The following PFAS variants were observed in gnomAD, a reference collection of about 807,000 sequenced individuals.
PFAS encodes the protein FGAM synthase.
In PFAS, 97 loss-of-function variants were observed where a neutral mutation model predicts 140.6. The ratio of observed to expected loss-of-function variants is 0.69; its 90% CI spans 0.59 to 0.82. PFAS has a LOEUF of 0.82. PFAS is among the 40% of genes least tolerant of loss of function. PFAS has a pLI of 0.00. For synonymous variants in PFAS, 679 were observed against 718.8 expected, an observed-to-expected ratio of 0.94 and a Z score of 0.88; for missense variants, 1,656 against 1,780.2, an observed-to-expected ratio of 0.93 and a Z score of 1.26.
In PFAS at chr17:8,255,906, A is replaced by G. The variant is rs766829695; in HGVS notation, c.676A>G (p.Asn226Asp). 2 of 1,610,350 alleles carry G rather than the reference A, an allele frequency of 1.2e-6. No homozygotes were observed. Among genetic ancestry groups the G allele is most frequent in the South Asian group, 2.2e-5 (2 of 91,012 alleles). The change falls in exon 6 of 28, where the codon AAT (asparagine) becomes GAT (aspartate). Residue 226 changes from asparagine to aspartate, a missense_variant. By Grantham distance (23) the Asn-to-Asp change is conservative (BLOSUM62 1). Transcript: ENST00000314666. Reference protein sequence around the residue: ...TVEAFDLAQSNSEHSRHWFFK... With the variant: ...TVEAFDLAQSDSEHSRHWFFK... ...GGAGGCCTTTGACTTGGCGCAGTCC[A>G]ATAGGTGAGGAGAAATGGGGTTGTT...
intron 4 of PFAS, 146 bp from the exon 5 acceptor site, chr17:8,255,356 A>C (rs1247445656): frequency 8.7e-6 from 6 of 689,488 alleles, no homozygotes; most frequent in Non-Finnish European, 1.4e-5. Context: ...CATACCTGGA[A>C]AGGGCGTCTT....
At chr17:8,253,332 C>T (rs1989231322) in intron 1 of PFAS, among the ~76,000 whole-genome samples, 1 of 152,128 alleles carries the variant, frequency 6.6e-6, no homozygotes, top group Non-Finnish European at 1.5e-5. Flanking sequence ...TCCAGGAACA[C>T]GTGTCAGGTG....
chr17:8,263,968 CTG>C (rs773204882), intron 15 of PFAS, 32 bp downstream of exon 15: 1 of 1,607,292 alleles, frequency 6.2e-7, no homozygotes, highest in Non-Finnish European at 8.5e-7. Flanking sequence ...GGAGCAAACA[CTG>C]GGGCAGACAT....
chr17:8,253,725 G>C (rs1174083692), intron 1 of PFAS, 134 bp from the exon 2 acceptor site: 1 of 467,522 alleles, frequency 2.1e-6, no homozygotes, highest in Non-Finnish European at 3.6e-6. Context: ...TTTTAGTAGA[G>C]ACAGGGTTTC....
At chr17:8,256,175 TA>T in intron 6 of PFAS, 91 bp from the exon 7 acceptor site, 1 of 1,261,386 alleles carries the variant, frequency 7.9e-7, no homozygotes, top group Non-Finnish European at 1.1e-6. Context: ...AATTTGGCTG[TA>T]ACTCTGCTGT....
At position 8,264,220 on chromosome 17, in the gene PFAS, G is replaced by A. The variant is rs758360683; in HGVS notation, c.1800G>A (p.Leu600=). The change falls in exon 16 of 28, where the codon CTG becomes CTA. Residue 600 remains leucine (L), a synonymous_variant. Coordinates refer to ENST00000314666, the MANE Select transcript of PFAS (RefSeq NM_012393.3). ...GTITGDRRIV[L]VDDRECPVRR... Reference sequence around the variant, plus strand: ...GTCCCTGTGGTCTATAGATAGTGCTGGTGGACGATCGGGAGTGTCCTGTCA... The same window carrying A: ...GTCCCTGTGGTCTATAGATAGTGCTAGTGGACGATCGGGAGTGTCCTGTCA... 11 of 1,614,076 alleles carry A rather than the reference G, an allele frequency of 6.8e-6. No individual in the cohort carries two copies. The highest frequency in any genetic ancestry group is 9.3e-6 in the Non-Finnish European group (11 of 1,179,970).
rs138396769 is a variant in PFAS at position 8,260,362 on chromosome 17, C to G, written c.1336+2163C>G. The stretch of plus-strand genomic sequence containing the variant: ...TGTGGTCTGTTGTTAAGCAAAATGT[C>G]ATTAGTCAGCCCATGACCAAAATGG... On this transcript the variant is annotated intron_variant, in intron 11 of 27. Coordinates refer to ENST00000314666, the MANE Select transcript of PFAS (RefSeq NM_012393.3). 3.7e-3 allele frequency among the ~76,000 whole-genome samples: 560 copies of G among 152,272 alleles called. 2 individuals carry two copies. The highest frequency in any genetic ancestry group is 6.1e-3 in the Non-Finnish European group (416 of 68,028).
intron 6 of PFAS, 41 bp downstream of exon 6, chr17:8,255,951 G>A (rs1239774126): frequency 3.4e-6 from 5 of 1,467,438 alleles, no homozygotes; most frequent in Non-Finnish European, 4.8e-6. Context: ...GAGCCCATGG[G>A]TGTTGGGAGA....
rs767885671 is a variant in PFAS at position 8,255,582 on chromosome 17, C to G, written c.465C>G (p.Pro155=). ...ACCGGATGACAGAGCAGCACTTCCC[C>G]CATCCCATCCAGAGTTTCTCCCCTG... The part of the protein sequence containing the change: ...LHDRMTEQHF[P]HPIQSFSPES... Residue 155 remains proline (P), a synonymous_variant, in exon 5 of 28, where the codon CCC becomes CCG. Coordinates refer to ENST00000314666, the MANE Select transcript of PFAS (RefSeq NM_012393.3). 2.6e-6 allele frequency: 4 copies of G among 1,561,160 alleles called. No homozygotes were observed. The highest frequency in any genetic ancestry group is 3.5e-6 in the Non-Finnish European group (4 of 1,158,200).
chr17:8,247,894 G>A (rs1894236067), upstream of PFAS: 3 of 1,128,714 alleles, frequency 2.7e-6, no homozygotes, highest in Admixed American at 6.0e-5. Context: ...TCACCCATGG[G>A]CCGGACGCGG....
Position 8,267,434 on chromosome 17 carries a change from G to A in PFAS, c.3238G>A (p.Ala1080Thr). The change falls in exon 25 of 28, where the codon GCC becomes ACC. Residue 1080 changes from alanine (A) to threonine (T), a missense_variant. Transcript: ENST00000314666. The surrounding 1 kb of genome is among the most constrained non-coding windows in gnomAD (Gnocchi z 4.9). ...EEGSNGDREM[A>T]DAFHLAGFEV... The stretch of plus-strand genomic sequence containing the variant: ...GGGCAGTAATGGAGACCGGGAGATG[G>A]CCGATGCCTTCCACTTAGCTGGGTT... The A allele has an allele frequency of 6.2e-7, 1 of 1,614,144 alleles. No homozygotes were observed. Among genetic ancestry groups the A allele is most frequent in the South Asian group, 1.1e-5 (1 of 91,088 alleles).
chr17:8,260,274 G>A lies in PFAS; in HGVS notation c.1336+2075G>A, dbSNP rs138630111. 6.6e-5 allele frequency among the ~76,000 whole-genome samples: 10 copies of A among 152,232 alleles called. No individual in the cohort carries two copies. In the East Asian group the frequency reaches 1.5e-3, roughly 23 times the overall value. On this transcript the variant is annotated intron_variant, in intron 11 of 27. Coordinates refer to ENST00000314666, the MANE Select transcript of PFAS (RefSeq NM_012393.3). ...ATAGCATCACCCACCAGCGTGCCAC[G>A]ATGCCACTAGGCAATAGGAATTTTT...
Position 8,267,535 on chromosome 17 carries a change from C to A in PFAS, c.3268-16C>A. 1 of 1,588,862 alleles carries A rather than the reference C, an allele frequency of 6.3e-7. No individual in the cohort carries two copies. The highest frequency in any genetic ancestry group is 8.6e-7 in the Non-Finnish European group (1 of 1,156,966). ...GCGTGTCCTCCCACCCACACTCCCCCTCCCCACCTTCGCAGGTATGGGACG... is the reference window on the plus strand; with the variant it reads ...GCGTGTCCTCCCACCCACACTCCCCATCCCCACCTTCGCAGGTATGGGACG... On this transcript the variant is annotated splice_polypyrimidine_tract_variant and intron_variant, in intron 25 of 27. Transcript: ENST00000314666. The surrounding 1 kb of genome is among the most constrained non-coding windows in gnomAD (Gnocchi z 4.9).
chr17:8,247,889 C>A, upstream of PFAS: 1 of 1,050,284 alleles, frequency 9.5e-7, no homozygotes, highest in Non-Finnish European at 1.4e-6. Flanking sequence ...CCCCCTCACC[C>A]ATGGGCCGGA....
At chr17:8,265,150 CT>C in intron 18 of PFAS, 25 bp downstream of exon 18, 1 of 1,594,810 alleles carries the variant, frequency 6.3e-7, no homozygotes, top group East Asian at 2.2e-5. Context: ...AGCTTCTATC[CT>C]GGAGCCCCCG....
intron 11 of PFAS, among the ~76,000 whole-genome samples, chr17:8,261,200 C>T (rs1444384896): frequency 6.6e-6 from 1 of 151,544 alleles, no homozygotes; most frequent in South Asian, 2.1e-4. Context: ...GTTTGTTTTT[C>T]TCTAATGACT....
At chr17:8,268,008 ATATATATTATT>A (rs1989897492) in intron 26 of PFAS, among the ~76,000 whole-genome samples, 1 of 133,924 alleles carries the variant, frequency 7.5e-6, no homozygotes, top group African/African-American at 2.7e-5. Context: ...TATATTATTT[ATATATATTATT>A]TATATATTAT....
upstream of PFAS, chr17:8,247,655 C>G (rs971102289): frequency 6.4e-5 from 15 of 233,520 alleles, no homozygotes; most frequent in Non-Finnish European, 1.1e-4. Context: ...GTCTCAGACG[C>G]TTTTACTTAT....
At chr17:8,265,190 T>TAG (rs1989761632) in intron 18 of PFAS, 65 bp downstream of exon 18, 1 of 1,559,960 alleles carries the variant, frequency 6.4e-7, no homozygotes, top group Non-Finnish European at 8.8e-7. Flanking sequence ...CATCCATCTG[T>TAG]AGCCCTTCAT....
Sources: gnomAD v4.1 joint callset for allele counts (sites outside exome capture counted in the v4.1 genomes callset) on GRCh38, gnomAD v4.1.1 for gene constraint, Gnocchi (gnomAD v3.1) non-coding constraint, MANE v1.5 for transcripts, NCBI Gene and HGNC (gene_info 2026-07-23, HGNC 2026-07-21) for gene names.